Variants in TFDP1 observed in about 807,000 individuals in gnomAD.
TFDP1 encodes DRTF1-polypeptide 1.
A neutral mutation model predicts 48.0 loss-of-function variants in TFDP1; 6 were observed. The ratio of observed to expected loss-of-function variants is 0.13; its 90% confidence interval spans 0.07 to 0.25. TFDP1 has a LOEUF of 0.25. Ranked by LOEUF, TFDP1 falls within the 10% of genes least tolerant of loss-of-function variation. TFDP1 has a pLI of 1.00. For missense variants in TFDP1, 335 were observed against 543.0 expected, an observed-to-expected ratio of 0.62 and a Z score of 3.81; for synonymous variants, 201 against 211.6, an observed-to-expected ratio of 0.95 and a Z score of 0.44.
chr13:113,638,280 CGGTCT>C (rs2049549820), intron 11 of TFDP1, among the ~76,000 whole-genome samples: 2 of 143,212 alleles, frequency 1.4e-5, no homozygotes, highest in African/African-American at 2.6e-5. Context: ...AACGCGTCTG[CGGTCT>C]GGGCGCAAGT....
chr13:113,619,470 C>CAAAAA, intron 3 of TFDP1, among the ~76,000 whole-genome samples: 1 of 63,332 alleles, frequency 1.6e-5, no homozygotes, highest in Non-Finnish European at 3.3e-5. Context: ...GACTCCATCT[C>CAAAAA]AAAAAAAAAA....
chr13:113,604,160 CAAAA>C (rs5806996), intron 2 of TFDP1, among the ~76,000 whole-genome samples: 4 of 104,478 alleles, frequency 3.8e-5, no homozygotes, highest in Non-Finnish European at 4.1e-5. Context: ...CAGCCTGTCT[CAAAA>C]AAAAAAAAAA....
chr13:113,630,348 A>G (rs181667350), intron 4 of TFDP1, among the ~76,000 whole-genome samples: 213 of 152,268 alleles, frequency 1.4e-3, no homozygotes, highest in African/African-American at 5.0e-3. Context: ...GATGAGTGTC[A>G]ATGAAAAGAT....
At chr13:113,617,254 T>G (rs1390576595) in intron 3 of TFDP1, among the ~76,000 whole-genome samples, 2 of 152,224 alleles carry the variant, frequency 1.3e-5, no homozygotes, top group African/African-American at 4.8e-5. Context: ...TCAGGTTTCC[T>G]GAGTCTGAAT....
At chr13:113,634,165 A>G (rs2049411054) in intron 7 of TFDP1, 132 bp downstream of exon 7, 1 of 1,285,868 alleles carries the variant, frequency 7.8e-7, no homozygotes, top group Non-Finnish European at 1.1e-6. Context: ...ACGGTCATGC[A>G]GACGTCTCCC....
At chr13:113,631,892 C>T (rs2049346605) in intron 5 of TFDP1, 148 bp downstream of exon 5, 9 of 1,175,764 alleles carry the variant, frequency 7.7e-6, no homozygotes, top group East Asian at 5.3e-5. Context: ...CACCCATCAT[C>T]GTGGCCTGCA....
At chr13:113,603,522 C>T (rs2140352306) in intron 2 of TFDP1, among the ~76,000 whole-genome samples, 1 of 152,360 alleles carries the variant, frequency 6.6e-6, no homozygotes, top group African/African-American at 2.4e-5. Context: ...ACAGAGTGGG[C>T]ACTGGTGATG....
Position 113,616,184 on chromosome 13 carries a change from CAGAG to C in TFDP1, c.79+5123_79+5126del, listed in dbSNP as rs747055747. Among the ~76,000 whole-genome samples the C allele has an allele frequency of 2.1e-5, 3 of 141,492 alleles. No individual in the cohort carries two copies. The East Asian group carries it at 6.2e-4, about 29-fold the overall frequency. 92.8% of individuals were successfully genotyped at this position (141,492 alleles called of 152,430 possible). A position where few individuals can be genotyped will look rare whatever the true frequency, so the allele number is the denominator to read the frequency against. On this transcript the variant is annotated intron_variant, in intron 3 of 11. Transcript: ENST00000375370. ...CTCCACTGCACTCTAGCCTGGGTGA[CAGAG>C]TGAGACTCTGTCTCCAAAAAAAAAA... is the stretch of plus-strand genomic sequence containing the variant.
At chr13:113,637,553 C>G in intron 10 of TFDP1, 2 of 1,436,564 alleles carry the variant, frequency 1.4e-6, no homozygotes, top group South Asian at 2.6e-5. Flanking sequence ...GAGGCAGCAG[C>G]ACACGTGTGC....
rs187681392 is a variant in TFDP1, at chr13:113,600,801, G to A, written c.13-10195G>A. On this transcript the variant is annotated intron_variant, in intron 2 of 11. Transcript: ENST00000375370. ...GGACCGTGAGAGAGAATCCTTGCAC[G>A]TAGGGCTACAGGACCGTGAGAGACA... Among the ~76,000 whole-genome samples the A allele has an allele frequency of 3.5e-3, 511 of 144,874 alleles. 4 individuals carry two copies. The highest frequency in any genetic ancestry group is 5.7e-3 in the Non-Finnish European group (382 of 67,548).
Position 113,627,232 on chromosome 13 carries a change from C to T in TFDP1, c.186+3946C>T, listed in dbSNP as rs778426413. Among the ~76,000 whole-genome samples the T allele has an allele frequency of 3.9e-5, 6 of 152,170 alleles. No individual in the cohort carries two copies. The highest frequency in any genetic ancestry group is 1.9e-4 in the East Asian group (1 of 5,190). The stretch of plus-strand genomic sequence containing the variant: ...TCTCTGACCTGCACCAGTCAGCAGG[C>T]GCAGGGCTTGTCAAGGTCAGGGTCT... On this transcript the variant is annotated intron_variant, in intron 4 of 11. Transcript: ENST00000375370. The surrounding 1 kb of genome is among the most constrained non-coding windows in gnomAD (Gnocchi z 4.1).
At chr13:113,616,962 C>T (rs2048874442) in intron 3 of TFDP1, among the ~76,000 whole-genome samples, 1 of 152,188 alleles carries the variant, frequency 6.6e-6, no homozygotes, top group Non-Finnish European at 1.5e-5. Context: ...CCAGTCATGA[C>T]ATTTCTGTGG....
intron 4 of TFDP1, among the ~76,000 whole-genome samples, chr13:113,628,098 G>C (rs2049232450): frequency 6.6e-6 from 1 of 152,066 alleles, no homozygotes; most frequent in Non-Finnish European, 1.5e-5. Context: ...TGTAAAGACT[G>C]TCTGGAGCCG....
At chr13:113,594,907 C>T (rs556226697) in intron 2 of TFDP1, among the ~76,000 whole-genome samples, 1 of 152,298 alleles carries the variant, frequency 6.6e-6, no homozygotes, top group African/African-American at 2.4e-5. Flanking sequence ...AATGAAGTCA[C>T]GTTCATATGT....
At chr13:113,596,032 A>G in intron 2 of TFDP1, among the ~76,000 whole-genome samples, 1 of 152,222 alleles carries the variant, frequency 6.6e-6, no homozygotes, top group Non-Finnish European at 1.5e-5. Flanking sequence ...CAGTGAGCCA[A>G]GATGGCGCCG....
chr13:113,630,560 GC>G (rs1454876728), intron 4 of TFDP1, among the ~76,000 whole-genome samples: 2 of 152,156 alleles, frequency 1.3e-5, no homozygotes, highest in Non-Finnish European at 2.9e-5. Context: ...CAGGTGTCCA[GC>G]TCCAATCCCT....
intron 2 of TFDP1, among the ~76,000 whole-genome samples, chr13:113,608,664 TG>T (rs1276474388): frequency 6.6e-6 from 1 of 152,206 alleles, no homozygotes; most frequent in Non-Finnish European, 1.5e-5. Context: ...CTTACGCACC[TG>T]GCTGTTCTCT....
At chr13:113,604,665 G>C (rs988912631) in intron 2 of TFDP1, among the ~76,000 whole-genome samples, 1 of 151,852 alleles carries the variant, frequency 6.6e-6, no homozygotes. Context: ...CTGTTAACAG[G>C]TCCCACTTAG....
At chr13:113,613,898 TGA>T (rs1217898426) in intron 3 of TFDP1, among the ~76,000 whole-genome samples, 1 of 150,978 alleles carries the variant, frequency 6.6e-6, no homozygotes, top group East Asian at 2.0e-4. Flanking sequence ...AGTGTACCTG[TGA>T]GTTTGCGTGT....
Sources: allele counts gnomAD v4.1 joint callset (sites outside exome capture counted in the v4.1 genomes callset), GRCh38; gene constraint gnomAD v4.1.1; non-coding constraint Gnocchi (gnomAD v3.1); transcripts MANE v1.5; gene names NCBI Gene and HGNC (gene_info 2026-07-23, HGNC 2026-07-21).